The following DNAH8 variants were observed in gnomAD, a reference collection of about 807,000 sequenced individuals.
The protein encoded by DNAH8 is dynein axonemal heavy chain 8.
A neutral mutation model predicts 562.1 loss-of-function variants in DNAH8; 382 were observed. The ratio of observed to expected loss-of-function variants is 0.68; its 90% CI spans 0.63 to 0.74. The LOEUF is 0.74. Among genes scored for constraint, DNAH8 ranks in the 30% least tolerant of loss-of-function variants. DNAH8 has a pLI of 0.00. For missense variants in DNAH8, 5,203 were observed against 5,620.4 expected, an observed-to-expected ratio of 0.93 and a Z score of 2.37; for synonymous variants, 1,881 against 1,919.4, an observed-to-expected ratio of 0.98 and a Z score of 0.52.
At chr6:38,999,509 T>C (rs1334846280) in intron 88 of DNAH8, among the ~76,000 whole-genome samples, 1 of 151,940 alleles carries the variant, frequency 6.6e-6, no homozygotes, top group East Asian at 1.9e-4. Flanking sequence ...AAGATCTGCA[T>C]TGATAAAATA....
At chr6:38,891,424 A>G (rs542372779) in intron 58 of DNAH8, among the ~76,000 whole-genome samples, 2 of 152,262 alleles carry the variant, frequency 1.3e-5, no homozygotes, top group Non-Finnish European at 2.9e-5. Context: ...GTAATTCACT[A>G]CACATCCATT....
intron 21 of DNAH8, 147 bp downstream of exon 21, chr6:38,791,821 C>T (rs1205102194): frequency 4.0e-6 from 3 of 746,206 alleles, no homozygotes; most frequent in African/African-American, 1.8e-5. Flanking sequence ...GCTCCAAGGA[C>T]TTTCATGCCT....
At chr6:38,826,822 C>T (rs1773370849) in intron 29 of DNAH8, among the ~76,000 whole-genome samples, 1 of 152,166 alleles carries the variant, frequency 6.6e-6, no homozygotes, top group Non-Finnish European at 1.5e-5. Context: ...TTCCCTCAGG[C>T]TCCATAGTAA....
chr6:38,741,804 A>G lies in DNAH8; in HGVS notation c.1210A>G (p.Asn404Asp), dbSNP rs772850492. ...EHWKRMSAKF[N>D]YIIEQIKGPS... ...CTGGAAACGCATGTCAGCCAAGTTC[A>G]ACTATATCATTGAGCAGATTAAAGG... The change falls in exon 8 of 93, where the codon AAC becomes GAC. Residue 404 changes from asparagine (N) to aspartate (D), a missense_variant. This residue lies in a region of DNAH8 where 556 missense variants were observed against 496.9 expected (regional missense o/e 1.12). Transcript: ENST00000327475. The G allele has an allele frequency of 3.1e-6, 5 of 1,614,148 alleles. No individual in the cohort carries two copies. The highest frequency in any genetic ancestry group is 4.2e-6 in the Non-Finnish European group (5 of 1,179,996).
chr6:38,859,160 T>C (rs767542329), intron 42 of DNAH8, among the ~76,000 whole-genome samples: 5 of 152,204 alleles, frequency 3.3e-5, no homozygotes, highest in Non-Finnish European at 7.3e-5. Context: ...TCAATAAATA[T>C]ATTAACTATT....
At chr6:38,929,371 G>T in intron 74 of DNAH8, 140 bp from the exon 75 acceptor site, 1 of 819,226 alleles carries the variant, frequency 1.2e-6, no homozygotes, top group South Asian at 2.6e-5. Flanking sequence ...ATTTTTGTAT[G>T]TTACTTTAAT....
chr6:38,756,383 A>G (rs910620662), intron 10 of DNAH8, among the ~76,000 whole-genome samples: 1 of 152,158 alleles, frequency 6.6e-6, no homozygotes, highest in African/African-American at 2.4e-5. Flanking sequence ...GTCTACTATT[A>G]ACAGTGCTTC....
intron 3 of DNAH8, among the ~76,000 whole-genome samples, chr6:38,727,331 T>C (rs962320948): frequency 6.6e-6 from 1 of 152,212 alleles, no homozygotes; most frequent in Non-Finnish European, 1.5e-5. Flanking sequence ...CTGAACTCTA[T>C]GGAATCTATC....
Position 38,729,919 on chromosome 6 carries a change from T to A in DNAH8, c.543T>A (p.Asn181Lys), listed in dbSNP as rs1446527998. ...TTTAACAGCTGGAAGCATTTACTAA[T>A]TTTTTTGCGAAAGATGGTTGTAAGA... ...LDCPSLEAFTNFFAKDGCKTL... is the reference protein window; with the variant it reads ...LDCPSLEAFTKFFAKDGCKTL... Residue 181 changes from asparagine (N) to lysine (K), a missense_variant, in exon 4 of 93, where the codon AAT (asparagine) becomes AAA (lysine). By Grantham distance (94) the Asn-to-Lys change is moderately conservative. This residue lies in a region of DNAH8 where 556 missense variants were observed against 496.9 expected (regional missense o/e 1.12). Coordinates refer to ENST00000327475, the MANE Select transcript of DNAH8 (RefSeq NM_001206927.2). 1 of 1,576,066 alleles carries A rather than the reference T, an allele frequency of 6.3e-7. No individual in the cohort carries two copies. The highest frequency in any genetic ancestry group is 1.1e-5 in the South Asian group (1 of 87,796).
Position 39,010,889 on chromosome 6 carries a change from A to C in DNAH8, c.13372-1326A>C, listed in dbSNP as rs537593009. On this transcript the variant is annotated intron_variant, in intron 89 of 92. Transcript: ENST00000327475. ...TAGCATATACATATGCTGTTCAGCC[A>C]CTGGAGGTTGAAGGACTTGGGATGG... Among the ~76,000 whole-genome samples the C allele has an allele frequency of 3.9e-5, 6 of 151,974 alleles. No individual in the cohort carries two copies. In the East Asian group the frequency reaches 1.2e-3, roughly 29 times the overall value.
chr6:38,826,360 T>C lies in DNAH8; in HGVS notation c.4052T>C (p.Ile1351Thr). 1 of 1,610,878 alleles carries C rather than the reference T, an allele frequency of 6.2e-7. No individual in the cohort carries two copies. Among genetic ancestry groups the C allele is most frequent in the Non-Finnish European group, 8.5e-7 (1 of 1,178,836 alleles). Residue 1351 changes from isoleucine (I) to threonine (T), a missense_variant, in exon 29 of 93, where the codon ATT becomes ACT. Ile to Thr is a moderately conservative substitution (Grantham distance 89). Around this residue, in one of 6 missense-constraint regions of DNAH8, gnomAD observed 2,176 missense variants for 2,365.1 expected, o/e 0.92. Coordinates refer to ENST00000327475, the MANE Select transcript of DNAH8 (RefSeq NM_001206927.2). The stretch of plus-strand genomic sequence containing the variant: ...TTGTCTTGCATACGTGATAATGAAA[T>C]TCAAATGGACATGACTTTGGGACCA... ...EALSCIRDNE[I>T]QMDMTLGPIE... is the part of the protein sequence containing the mutation.
In DNAH8 at chr6:39,008,839, G is replaced by T; in HGVS notation, c.13240G>T (p.Val4414Phe). ...ITYQSNTASA[V>F]LETITNIQPK... ...GTATCAGAGTAACACTGCTTCTGCT[G>T]TTCTTGAAACAATTACCAACATTCA... Residue 4414 changes from valine (V) to phenylalanine (F), a missense_variant, in exon 89 of 93, where the codon GTT becomes TTT. Physicochemically the swap from Val to Phe is conservative, Grantham distance 50. This residue lies in a region of DNAH8 where 1,399 missense variants were observed against 1,518.4 expected (regional missense o/e 0.92). Transcript: ENST00000327475. 1 of 1,608,188 alleles carries T rather than the reference G, an allele frequency of 6.2e-7. No individual in the cohort carries two copies. The highest frequency in any genetic ancestry group is 8.5e-7 in the Non-Finnish European group (1 of 1,175,052).
intron 30 of DNAH8, among the ~76,000 whole-genome samples, chr6:38,828,966 T>C (rs964044246): frequency 6.6e-6 from 1 of 152,194 alleles, no homozygotes; most frequent in Non-Finnish European, 1.5e-5. Flanking sequence ...GGACATTTAA[T>C]GTAGACTAAA....
Position 38,781,344 on chromosome 6 carries a change from C to G in DNAH8, c.2230C>G (p.Arg744Gly), listed in dbSNP as rs758774116. 2 of 1,613,460 alleles carry G rather than the reference C, an allele frequency of 1.2e-6. No individual in the cohort carries two copies. The highest frequency in any genetic ancestry group is 1.7e-6 in the Non-Finnish European group (2 of 1,179,698). Residue 744 changes from arginine to glycine, a missense_variant, in exon 16 of 93, where the codon CGG becomes GGG. Around this residue, in one of 6 missense-constraint regions of DNAH8, gnomAD observed 2,176 missense variants for 2,365.1 expected, o/e 0.92. Coordinates refer to ENST00000327475, the MANE Select transcript of DNAH8 (RefSeq NM_001206927.2). The part of the protein sequence containing the change: ...KILWVRQLYR[R>G]ISEPINYFFK... ...ACTCTGGGTGAGGCAGCTCTATCGC[C>G]GGATAAGTGAGCCCATCAATTATTT...
intron 4 of DNAH8, among the ~76,000 whole-genome samples, chr6:38,733,622 A>G (rs530652989): frequency 5.5e-4 from 84 of 152,312 alleles, no homozygotes; most frequent in Non-Finnish European, 7.5e-4. Flanking sequence ...TTTAAGATAC[A>G]ATTATTAGCT....
rs186044622 is a variant in DNAH8 at position 38,887,021 on chromosome 6, C to T, written c.8473+17C>T. On this transcript the variant is annotated intron_variant, in intron 57 of 92. Coordinates refer to ENST00000327475, the MANE Select transcript of DNAH8 (RefSeq NM_001206927.2). ...AAATTTTTGGTATGAATATTCTTAG[C>T]GTTTATTTTATTGCATTACATAATG... 1.4e-5 allele frequency: 22 copies of T among 1,534,680 alleles called. No individual in the cohort carries two copies. Among genetic ancestry groups the T allele is most frequent in the Admixed American group, 5.0e-5 (3 of 59,798 alleles).
At chr6:38,857,771 TACTA>T in intron 42 of DNAH8, 29 bp downstream of exon 42, 2 of 1,363,386 alleles carry the variant, frequency 1.5e-6, no homozygotes, top group East Asian at 2.3e-5. Flanking sequence ...TAATTTAGTG[TACTA>T]ACTAATAATG....
chr6:38,854,422 C>A (rs527864416), intron 41 of DNAH8, among the ~76,000 whole-genome samples: 114 of 152,240 alleles, frequency 7.5e-4, no homozygotes, highest in Non-Finnish European at 1.6e-3. Context: ...CCAACCTGAG[C>A]TCCAAATCCT....
chr6:38,859,541 G>A (rs978084860), intron 42 of DNAH8, among the ~76,000 whole-genome samples: 1 of 152,238 alleles, frequency 6.6e-6, no homozygotes, highest in South Asian at 2.1e-4. Flanking sequence ...TTTAAGAGCA[G>A]TGAAGGGGAC....
Sources: allele counts gnomAD v4.1 joint callset (sites outside exome capture counted in the v4.1 genomes callset), GRCh38; gene constraint gnomAD v4.1.1; regional missense constraint gnomAD v4.1.1; transcripts MANE v1.5; gene names NCBI Gene and HGNC (gene_info 2026-07-23, HGNC 2026-07-21).